Variants in LRRC37A2 observed in about 807,000 individuals in gnomAD.
The protein encoded by LRRC37A2 is leucine-rich repeat-containing protein 37A2.
LRRC37A2 carries 9 observed loss-of-function variants against 68.8 expected under a neutral mutation model. The ratio of observed to expected loss-of-function variants is 0.13; its 90% CI spans 0.08 to 0.23. The LOEUF (loss-of-function observed/expected upper bound fraction) is 0.23. Among genes scored for constraint, LRRC37A2 ranks in the 10% least tolerant of loss-of-function variants. The pLI, the probability that LRRC37A2 is intolerant of heterozygous loss-of-function variation, is 1.00. For synonymous variants in LRRC37A2, 63 were observed against 367.6 expected (o/e 0.17, Z 9.48); for missense variants, 168 against 950.4 (o/e 0.18, Z 10.82).
the LRRC37A2 span, chr17:46,939,603 C>T: frequency 4.1e-6 from 4 of 985,476 alleles, no homozygotes; most frequent in African/African-American, 7.0e-5. Context: ...ATTACAGTCT[C>T]AGCTCTAGTT....
At chr17:46,897,267 T>C in the LRRC37A2 span, among the ~76,000 whole-genome samples, 2 of 152,168 alleles carry the variant, frequency 1.3e-5, no homozygotes, top group African/African-American at 4.8e-5. Context: ...CCTCCATCAG[T>C]AATGCCCAGG....
chr17:46,817,641 C>A, the LRRC37A2 span, among the ~76,000 whole-genome samples: 1 of 147,034 alleles, frequency 6.8e-6, no homozygotes, highest in Non-Finnish European at 1.5e-5. Context: ...CAGCCCCCCC[C>A]AAGCACTGCT....
chr17:46,739,490 G>C, the LRRC37A2 span, among the ~76,000 whole-genome samples: 1 of 151,308 alleles, frequency 6.6e-6, no homozygotes, highest in African/African-American at 2.4e-5. Flanking sequence ...AGTGAGTGGA[G>C]ATCATGCAAC....
chr17:46,542,555 TGTG>T (rs1196821398), intron 8 of LRRC37A2, among the ~76,000 whole-genome samples: 1 of 148,784 alleles, frequency 6.7e-6, no homozygotes, highest in Admixed American at 6.6e-5. Context: ...ATCAGCCAGG[TGTG>T]GTGGCACACG....
chr17:47,020,757 G>T, the LRRC37A2 span, among the ~76,000 whole-genome samples: 1 of 72,862 alleles, frequency 1.4e-5, no homozygotes, highest in East Asian at 3.5e-4. Context: ...ACTCCAGCCT[G>T]GGTGACAGAG....
chr17:46,743,002 C>G, the LRRC37A2 span, among the ~76,000 whole-genome samples: 2 of 152,294 alleles, frequency 1.3e-5, no homozygotes, highest in African/African-American at 4.8e-5. Flanking sequence ...CCAATTTCCT[C>G]CTCAGAAGTT....
chr17:46,837,151 C>T, the LRRC37A2 span, among the ~76,000 whole-genome samples: 1 of 152,296 alleles, frequency 6.6e-6, no homozygotes, highest in South Asian at 2.1e-4. Context: ...CCATGTTGGC[C>T]AGGCTGGTCT....
At chr17:46,558,553 AT>A (rs58227880), downstream of LRRC37A2, among the ~76,000 whole-genome samples, 64,519 of 100,378 alleles carry the variant, frequency 0.64, 18,438 homozygotes, top group East Asian at 0.94. Context: ...TGCCCGGCCA[AT>A]TTTTTTTTTT....
chr17:46,817,858 T>C, the LRRC37A2 span, among the ~76,000 whole-genome samples: 1 of 151,754 alleles, frequency 6.6e-6, no homozygotes, highest in East Asian at 1.9e-4. Flanking sequence ...TTTGCCAGGG[T>C]GGACAAGCAA....
the LRRC37A2 span, among the ~76,000 whole-genome samples, chr17:47,014,849 C>A: frequency 2.0e-5 from 3 of 150,860 alleles, no homozygotes; most frequent in Non-Finnish European, 4.4e-5. Context: ...ATATCTCCCA[C>A]GTATCTTGGG....
At chr17:46,678,601 G>A in the LRRC37A2 span, among the ~76,000 whole-genome samples, 1 of 128,384 alleles carries the variant, frequency 7.8e-6, no homozygotes, top group South Asian at 2.7e-4. Flanking sequence ...AGAGAAAATG[G>A]TTTAGAACTT....
the LRRC37A2 span, chr17:46,941,731 G>A: frequency 1.2e-5 from 2 of 163,284 alleles, no homozygotes; most frequent in African/African-American, 4.9e-5. Flanking sequence ...GTGCCACCAT[G>A]TCTGGCTAAT....
At chr17:47,033,506 C>T in the LRRC37A2 span, 1 of 628,432 alleles carries the variant, frequency 1.6e-6, no homozygotes, top group Non-Finnish European at 2.8e-6. Flanking sequence ...ACCAGTTTTC[C>T]CTGACAGCCT....
the LRRC37A2 span, among the ~76,000 whole-genome samples, chr17:46,497,663 T>C: frequency 6.7e-6 from 1 of 150,188 alleles, no homozygotes; most frequent in Non-Finnish European, 1.5e-5. Flanking sequence ...ATCTATACTT[T>C]CAGTGTATAT....
intron 6 of LRRC37A2, among the ~76,000 whole-genome samples, chr17:46,533,130 G>T (rs1288693197): frequency 9.2e-6 from 1 of 108,984 alleles, no homozygotes; most frequent in Non-Finnish European, 1.8e-5. Flanking sequence ...AAAACAAAAT[G>T]TTTGTGGCCA....
chr17:46,804,276 C>T, the LRRC37A2 span, among the ~76,000 whole-genome samples: 66 of 152,006 alleles, frequency 4.3e-4, no homozygotes, highest in African/African-American at 1.4e-3. Flanking sequence ...TTAGTAGAGA[C>T]GGGGTTTCAG....
At chr17:46,922,561 T>C in the LRRC37A2 span, among the ~76,000 whole-genome samples, 32 of 152,326 alleles carry the variant, frequency 2.1e-4, no homozygotes, top group East Asian at 6.2e-3. Context: ...TATACATATC[T>C]TATTTCCTTT....
the LRRC37A2 span, chr17:46,876,913 G>A: frequency 7.4e-7 from 1 of 1,359,206 alleles, no homozygotes; most frequent in Non-Finnish European, 9.5e-7. Context: ...ACAAAGAGAA[G>A]CAAAGCCTCC....
At chr17:46,738,761 T>G in the LRRC37A2 span, among the ~76,000 whole-genome samples, 1 of 152,230 alleles carries the variant, frequency 6.6e-6, no homozygotes, top group African/African-American at 2.4e-5. Flanking sequence ...CTGCTATAAA[T>G]TAAGGCAGGC....
Sources: allele counts gnomAD v4.1 joint callset (sites outside exome capture counted in the v4.1 genomes callset), GRCh38; gene constraint gnomAD v4.1.1; transcripts MANE v1.5; gene names NCBI Gene and HGNC (gene_info 2026-07-23, HGNC 2026-07-21).